ABHD2: variants seen among roughly 807,000 people sequenced by gnomAD.
The protein encoded by ABHD2 is abhydrolase domain containing 2, acylglycerol lipase.
In ABHD2, 20 loss-of-function variants were observed where a neutral mutation model predicts 48.1. The observed-to-expected ratio is 0.42, with a 90% CI of 0.29 to 0.60. The LOEUF is 0.60. Ranked by LOEUF, ABHD2 falls within the 20% of genes least tolerant of loss-of-function variation. The pLI is 0.24. For missense variants in ABHD2, 405 were observed against 550.9 expected (o/e 0.74, Z 2.65); for synonymous variants, 209 against 214.2 (o/e 0.98, Z 0.21).
At chr15:89,101,915 T>C (rs887749237) in intron 1 of ABHD2, among the ~76,000 whole-genome samples, 21 of 152,300 alleles carry the variant, frequency 1.4e-4, no homozygotes, top group African/African-American at 4.1e-4. Flanking sequence ...AAGTAAATGC[T>C]TCTCACACCT....
chr15:89,170,452 T>A (rs527364232), intron 5 of ABHD2, among the ~76,000 whole-genome samples: 2 of 150,434 alleles, frequency 1.3e-5, no homozygotes, highest in East Asian at 4.1e-4. Flanking sequence ...CCTCTACTGA[T>A]GGAAATTTAG....
At chr15:89,157,515 G>A (rs1432758686) in intron 5 of ABHD2, among the ~76,000 whole-genome samples, 3 of 152,152 alleles carry the variant, frequency 2.0e-5, no homozygotes, top group South Asian at 2.1e-4. Flanking sequence ...TACAGACTCC[G>A]TTCTGTTCAG....
chr15:89,112,932 C>G (rs1011091513), intron 1 of ABHD2, among the ~76,000 whole-genome samples: 1 of 152,188 alleles, frequency 6.6e-6, no homozygotes, highest in African/African-American at 2.4e-5. Flanking sequence ...TAGCATCTAC[C>G]TCATAGGGTA....
chr15:89,063,629 G>C, the ABHD2 span, among the ~76,000 whole-genome samples: 1 of 151,710 alleles, frequency 6.6e-6, no homozygotes, highest in Non-Finnish European at 1.5e-5. Context: ...TTTTTTTATT[G>C]TTGTAAAACA....
At chr15:89,125,856 C>CT (rs1181044933) in intron 3 of ABHD2, among the ~76,000 whole-genome samples, 31 of 152,282 alleles carry the variant, frequency 2.0e-4, no homozygotes, top group Admixed American at 1.9e-3. Flanking sequence ...AGAATTCATC[C>CT]ACCTTCTCTA....
At chr15:89,147,580 C>T (rs1017810054) in intron 3 of ABHD2, among the ~76,000 whole-genome samples, 2 of 151,114 alleles carry the variant, frequency 1.3e-5, no homozygotes, top group Non-Finnish European at 3.0e-5. Flanking sequence ...GTCTCGATCT[C>T]CTGACCTCGT....
At chr15:89,041,060 T>G in the ABHD2 span, among the ~76,000 whole-genome samples, 2 of 152,316 alleles carry the variant, frequency 1.3e-5, no homozygotes, top group East Asian at 3.9e-4. Flanking sequence ...CCTGGGATGC[T>G]TCCTCCTGGG....
the ABHD2 span, among the ~76,000 whole-genome samples, chr15:89,079,452 C>G: frequency 6.7e-6 from 1 of 148,686 alleles, no homozygotes; most frequent in Admixed American, 6.6e-5. This position sits in a 1 kb window ranked among gnomAD's most constrained non-coding sequence, Gnocchi z 4.3. Flanking sequence ...ATAAAACAAA[C>G]TTCTACATGG....
chr15:89,093,131 T>C (rs1376459593), intron 1 of ABHD2, among the ~76,000 whole-genome samples: 1 of 151,984 alleles, frequency 6.6e-6, no homozygotes, highest in Non-Finnish European at 1.5e-5. Flanking sequence ...CAGAGAAGCT[T>C]CCTGGCCTCC....
rs141982781 is a variant in ABHD2 at position 89,116,506 on chromosome 15, C to G, written c.179C>G (p.Pro60Arg). The G allele has an allele frequency of 3.3e-5, 53 of 1,613,784 alleles. No individual in the cohort carries two copies. In the African/African-American group the frequency reaches 5.6e-4, roughly 17 times the overall value. Reference protein sequence around the residue: ...GLSRFLLKSCPLLTKEYIPPL... With the variant: ...GLSRFLLKSCRLLTKEYIPPL... ...TCACGCTTTCTGCTCAAGTCCTGTC[C>G]TCTTCTGACCAAAGAGTGAGTAGAC... is the stretch of plus-strand genomic sequence containing the variant. The change falls in exon 3 of 11, where the codon CCT becomes CGT. Residue 60 changes from proline to arginine, a missense_variant. Coordinates refer to ENST00000352732, the MANE Select transcript of ABHD2 (RefSeq NM_152924.5). This position sits in a 1 kb window ranked among gnomAD's most constrained non-coding sequence, Gnocchi z 4.6.
chr15:89,098,101 A>G lies in ABHD2; in HGVS notation c.-107+9538A>G, dbSNP rs369108626. ...CACCATGTTGCCCAGGCTGGTCTCAAATTCCTGAGCTCAAGTGATCCACCC... is the reference window on the plus strand; with the variant it reads ...CACCATGTTGCCCAGGCTGGTCTCAGATTCCTGAGCTCAAGTGATCCACCC... On this transcript the variant is annotated intron_variant, in intron 1 of 10. Transcript: ENST00000352732. 2.6e-5 allele frequency among the ~76,000 whole-genome samples: 4 copies of G among 152,206 alleles called. No individual in the cohort carries two copies. In the East Asian group the frequency reaches 7.7e-4, roughly 29 times the overall value.
At chr15:89,065,702 C>G in the ABHD2 span, among the ~76,000 whole-genome samples, 19 of 152,280 alleles carry the variant, frequency 1.2e-4, no homozygotes, top group African/African-American at 4.1e-4. Flanking sequence ...TTGCCTCACC[C>G]TCCTTATGTC....
intron 1 of ABHD2, among the ~76,000 whole-genome samples, chr15:89,089,762 A>G (rs961176372): frequency 6.6e-6 from 1 of 152,228 alleles, no homozygotes; most frequent in African/African-American, 2.4e-5. Flanking sequence ...CGGAATAGAG[A>G]GAACATAATA....
chr15:89,185,377 C>G lies in ABHD2; in HGVS notation c.723-47C>G. ...CTAGAGCCCCCTCCTGGCTGCCCGCCTGCACCCCCACACCGCAGTCACCCT... is the reference window on the plus strand; with the variant it reads ...CTAGAGCCCCCTCCTGGCTGCCCGCGTGCACCCCCACACCGCAGTCACCCT... On this transcript the variant is annotated intron_variant, in intron 6 of 10. Coordinates refer to ENST00000352732, the MANE Select transcript of ABHD2 (RefSeq NM_152924.5). The surrounding 1 kb of genome is among the most constrained non-coding windows in gnomAD (Gnocchi z 5.9). 6.5e-7 allele frequency: 1 copy of G among 1,548,952 alleles called. No individual in the cohort carries two copies. The highest frequency in any genetic ancestry group is 8.9e-7 in the Non-Finnish European group (1 of 1,122,868).
intron 3 of ABHD2, among the ~76,000 whole-genome samples, chr15:89,118,390 G>A (rs1306962981): frequency 6.6e-6 from 1 of 152,038 alleles, no homozygotes; most frequent in African/African-American, 2.4e-5. Context: ...TGTTGGCCAG[G>A]CTGGTCTTGA....
At chr15:89,135,203 A>G (rs1188265219) in intron 3 of ABHD2, among the ~76,000 whole-genome samples, 2 of 129,402 alleles carry the variant, frequency 1.5e-5, no homozygotes, top group Non-Finnish European at 3.1e-5. Flanking sequence ...GTCATTTTAT[A>G]TAAGCTGCAT....
intron 6 of ABHD2, among the ~76,000 whole-genome samples, chr15:89,178,607 G>T (rs989235675): frequency 6.6e-6 from 1 of 152,176 alleles, no homozygotes. Context: ...CCAGCCACCC[G>T]CTTGCTGTAG....
chr15:89,048,393 G>A, the ABHD2 span, among the ~76,000 whole-genome samples: 5 of 150,878 alleles, frequency 3.3e-5, no homozygotes, highest in Non-Finnish European at 7.4e-5. Flanking sequence ...TGCTCTTCTC[G>A]AGGAGTATCT....
At chr15:89,042,332 C>T in the ABHD2 span, among the ~76,000 whole-genome samples, 40 of 152,284 alleles carry the variant, frequency 2.6e-4, no homozygotes, top group Non-Finnish European at 4.3e-4. Context: ...TTTTACCCTA[C>T]TCCCTCAAAC....
Sources: allele counts gnomAD v4.1 joint callset (sites outside exome capture counted in the v4.1 genomes callset), GRCh38; gene constraint gnomAD v4.1.1; non-coding constraint Gnocchi (gnomAD v3.1); transcripts MANE v1.5; gene names NCBI Gene and HGNC (gene_info 2026-07-23, HGNC 2026-07-21).